The following ATXN3 variants were observed in gnomAD, a reference collection of about 807,000 sequenced individuals.
The protein encoded by ATXN3 is ataxin-3.
In ATXN3, 28 loss-of-function variants were observed where a neutral mutation model predicts 58.2. The ratio of observed to expected loss-of-function variants is 0.48; its 90% CI spans 0.36 to 0.66. The LOEUF (loss-of-function observed/expected upper bound fraction) is 0.66, where lower values mean the gene tolerates loss of function less well. Among genes scored for constraint, ATXN3 ranks in the 30% least tolerant of loss-of-function variants. ATXN3 has a pLI of 0.00. For missense variants in ATXN3, 321 were observed against 422.1 expected (o/e 0.76, Z 2.10); for synonymous variants, 113 against 138.5 (o/e 0.82, Z 1.29).
At chr14:92,105,243 G>T (rs184557079) in intron 1 of ATXN3, among the ~76,000 whole-genome samples, 2 of 152,110 alleles carry the variant, frequency 1.3e-5, no homozygotes, top group African/African-American at 4.8e-5. Context: ...GCAACACAGC[G>T]AGACCCCGTC....
At chr14:92,067,177 G>C (rs1405851287) in intron 10 of ATXN3, among the ~76,000 whole-genome samples, 1 of 152,034 alleles carries the variant, frequency 6.6e-6, no homozygotes, top group Non-Finnish European at 1.5e-5. Flanking sequence ...GCTTAGGTAA[G>C]GTCATTTCTT....
At chr14:92,048,419 C>T (rs978912311) in intron 1 of ATXN3, among the ~76,000 whole-genome samples, 1 of 152,090 alleles carries the variant, frequency 6.6e-6, no homozygotes, top group Non-Finnish European at 1.5e-5. Context: ...TTTCTAATGT[C>T]GGGAGTGGGT....
At chr14:92,087,640 C>T (rs573318124) in intron 6 of ATXN3, among the ~76,000 whole-genome samples, 4 of 152,010 alleles carry the variant, frequency 2.6e-5, no homozygotes, top group African/African-American at 7.2e-5. Context: ...AGGGGAAACA[C>T]GTTGAAGAAT....
intron 2 of ATXN3, among the ~76,000 whole-genome samples, chr14:92,047,377 T>C (rs2057432534): frequency 6.6e-6 from 1 of 152,198 alleles, no homozygotes; most frequent in South Asian, 2.1e-4. Flanking sequence ...GAAGAGTTTA[T>C]AGGTTTTAGA....
chr14:92,081,813 T>C (rs1256111885), intron 8 of ATXN3, among the ~76,000 whole-genome samples: 2 of 152,252 alleles, frequency 1.3e-5, no homozygotes, highest in African/African-American at 2.4e-5. Context: ...TTTGCCTAGA[T>C]TGTCTAGGGG....
At chr14:92,055,216 A>C (rs1467399111), downstream of ATXN3, among the ~76,000 whole-genome samples, 2 of 152,074 alleles carry the variant, frequency 1.3e-5, no homozygotes, top group African/African-American at 4.8e-5. The surrounding 1 kb of genome is among the most constrained non-coding windows in gnomAD (Gnocchi z 4.5). Flanking sequence ...AACGTAATCC[A>C]ATGAATGCAT....
intron 10 of ATXN3, among the ~76,000 whole-genome samples, chr14:92,068,329 G>A (rs74071847): frequency 0.013 from 2,007 of 152,256 alleles, 30 homozygotes; most frequent in African/African-American, 0.045. Flanking sequence ...GGTGAATGGG[G>A]CCAGTTTATT....
chr14:92,091,621 G>C (rs1247815477), intron 5 of ATXN3, among the ~76,000 whole-genome samples: 1 of 144,058 alleles, frequency 6.9e-6, no homozygotes, highest in Non-Finnish European at 1.5e-5. Context: ...TTTTTGGCTT[G>C]TATTTACATT....
chr14:92,076,737 C>A (rs931713223), intron 9 of ATXN3, among the ~76,000 whole-genome samples: 1 of 151,672 alleles, frequency 6.6e-6, no homozygotes, highest in Non-Finnish European at 1.5e-5. Context: ...CTCAGGAGTT[C>A]GAAACCAGCC....
At chr14:92,071,279 G>A (rs889601512) in intron 9 of ATXN3, 22 of 774,936 alleles carry the variant, frequency 2.8e-5, no homozygotes, top group Admixed American at 4.1e-5. Flanking sequence ...GACAAATTAA[G>A]AGGTAGGTAT....
upstream of ATXN3, among the ~76,000 whole-genome samples, chr14:92,051,876 C>T (rs945833010): frequency 1.3e-5 from 2 of 150,772 alleles, no homozygotes; most frequent in African/African-American, 2.4e-5. Flanking sequence ...TACAGGCATG[C>T]GCCACCATGC....
At chr14:92,052,144 C>T (rs2057450941), upstream of ATXN3, among the ~76,000 whole-genome samples, 1 of 152,056 alleles carries the variant, frequency 6.6e-6, no homozygotes. Context: ...AGTATTCAGC[C>T]TCCTGGTTCT....
rs56033639 is a variant in ATXN3 at position 92,088,312 on chromosome 14, C to T, written c.475+418G>A. Among the ~76,000 whole-genome samples, 1,124 of 152,196 alleles carry T rather than the reference C, an allele frequency of 7.4e-3. 31 individuals are homozygous for T. The South Asian group carries it at 0.075, about 10-fold the overall frequency. ...GTCTCGATCTCCTGACATCGTGATCCGCCTGCCTCAGCCTCCCAAAGTGCT... is the reference window on the plus strand; with the variant it reads ...GTCTCGATCTCCTGACATCGTGATCTGCCTGCCTCAGCCTCCCAAAGTGCT... On this transcript the variant is annotated intron_variant, in intron 6 of 10. Transcript: ENST00000644486.
intron 5 of ATXN3, among the ~76,000 whole-genome samples, chr14:92,092,344 C>G (rs1438998622): frequency 6.6e-6 from 1 of 152,126 alleles, no homozygotes; most frequent in East Asian, 1.9e-4. Flanking sequence ...AACCCTCTTT[C>G]AAAGATTCAA....
chr14:92,093,578 G>A (rs566029191), intron 4 of ATXN3, 168 bp downstream of exon 4: 1 of 664,988 alleles, frequency 1.5e-6, no homozygotes, highest in South Asian at 2.0e-5. Flanking sequence ...AAGGCTACAG[G>A]GCAGATGCTC....
In ATXN3 at chr14:92,060,523, T is replaced by C. The variant is rs889989008; in HGVS notation, c.*3797A>G. 1.3e-5 allele frequency: 2 copies of C among 152,024 alleles called. No homozygotes were observed. The highest frequency in any genetic ancestry group is 2.9e-5 in the Non-Finnish European group (2 of 68,016). The allele number at this position is 152,024 out of a possible 1,614,324, so 9.4% of individuals were successfully genotyped here. ...ATTCGCCCACCTCAGCCTCCAGAAC[T>C]GCTGGGATTACAGGCGTGAGCCACT... On this transcript the variant is annotated 3_prime_UTR_variant, in exon 11 of 11. Transcript: ENST00000644486.
Position 92,064,374 on chromosome 14 carries a change from C to A in ATXN3, c.1032G>T (p.Val344=). The change falls in exon 11 of 11, where the codon GTG becomes GTT. Residue 344 remains valine, a synonymous_variant. Transcript: ENST00000644486. ...MSEEDMLQAA[V]TMSLETVRND... ...TTCTGACAGTTTCTAAAGACATGGT[C>A]ACAGCTGCCTGAAGCATGTCTTCTT... is the stretch of plus-strand genomic sequence containing the variant. 1.2e-6 allele frequency: 2 copies of A among 1,613,066 alleles called. No individual in the cohort carries two copies. The highest frequency in any genetic ancestry group is 2.2e-5 in the South Asian group (2 of 90,836).
intron 10 of ATXN3, among the ~76,000 whole-genome samples, chr14:92,068,776 G>A (rs2058891575): frequency 2.0e-5 from 3 of 151,960 alleles, no homozygotes; most frequent in Admixed American, 6.6e-5. Context: ...TTTTAGTTGA[G>A]ACAGGGTTTC....
Position 92,088,755 on chromosome 14 carries a change from A to C in ATXN3, c.450T>G (p.Leu150=). Residue 150 remains leucine, a synonymous_variant, in exon 6 of 11, where the codon CTT becomes CTG. Transcript: ENST00000644486. ...CTTCCTGTTGTAATTGAGCCAAGAA[A>C]AGTGCAAGATATGTATCTGATATTA... ...PELISDTYLA[L]FLAQLQQEGY... 1 of 1,611,204 alleles carries C rather than the reference A, an allele frequency of 6.2e-7. No homozygotes were observed. Among genetic ancestry groups the C allele is most frequent in the Non-Finnish European group, 8.5e-7 (1 of 1,177,750 alleles).
Sources: allele counts gnomAD v4.1 joint callset (sites outside exome capture counted in the v4.1 genomes callset), GRCh38; gene constraint gnomAD v4.1.1; non-coding constraint Gnocchi (gnomAD v3.1); transcripts MANE v1.5; gene names NCBI Gene and HGNC (gene_info 2026-07-23, HGNC 2026-07-21).